STOML2: variants seen among roughly 807,000 people sequenced by gnomAD.
STOML2 encodes stomatin like 2, also known as stomatin-like protein 2, mitochondrial.
STOML2 carries 22 observed loss-of-function variants against 45.7 expected under a neutral mutation model. The observed-to-expected ratio is 0.48, with a 90% CI of 0.34 to 0.69. STOML2 has a LOEUF of 0.69. Ranked by LOEUF, STOML2 falls within the 30% of genes least tolerant of loss-of-function variation. The probability of loss-of-function intolerance (pLI) is 0.01; values close to 1 mark genes in which losing one functional copy is unlikely to be tolerated. For synonymous variants in STOML2, 181 were observed against 182.7 expected (o/e 0.99, Z 0.08); for missense variants, 359 against 466.9 (o/e 0.77, Z 2.13).
rs1348469659 is a variant in STOML2, at chr9:35,101,573, G to C, written c.445-13C>G. The C allele has an allele frequency of 3.1e-6, 5 of 1,613,918 alleles. No homozygotes were observed. The Admixed American group carries it at 8.3e-5, about 27-fold the overall frequency. The stretch of plus-strand genomic sequence containing the variant: ...GGGACTCCCGTTCCTGGAAAAAGAG[G>C]TGTAAGCCCCACAGCCTCAACCTAC... On this transcript the variant is annotated splice_polypyrimidine_tract_variant and intron_variant, in intron 5 of 9. Coordinates refer to ENST00000356493, the MANE Select transcript of STOML2 (RefSeq NM_013442.3). The surrounding 1 kb of genome is among the most constrained non-coding windows in gnomAD (Gnocchi z 4.3).
Position 35,102,539 on chromosome 9 carries a change from T to C in STOML2, c.183+147A>G, listed in dbSNP as rs1337236017. ...GGAAAAGGTGGTAACATGGGGATGA[T>C]GGTCAGCAGCCTGGGCCCTGTCAGG... On this transcript the variant is annotated intron_variant, in intron 2 of 9. Coordinates refer to ENST00000356493, the MANE Select transcript of STOML2 (RefSeq NM_013442.3). This position sits in a 1 kb window ranked among gnomAD's most constrained non-coding sequence, Gnocchi z 4.8. 6.0e-6 allele frequency: 8 copies of C among 1,335,936 alleles called. No homozygotes were observed. The Admixed American group carries it at 9.1e-5, about 15-fold the overall frequency. The allele number at this position is 1,335,936 out of a possible 1,614,324, so 82.8% of individuals were successfully genotyped here. A position where few individuals can be genotyped will look rare whatever the true frequency, so the allele number is the denominator to read the frequency against.
chr9:35,101,194 T>C lies in STOML2; in HGVS notation c.665A>G (p.Lys222Arg). The C allele has an allele frequency of 6.2e-7, 1 of 1,614,218 alleles. No homozygotes were observed. The change falls in exon 7 of 10, where the codon AAA becomes AGA. Residue 222 changes from lysine to arginine, a missense_variant. This residue lies in a region of STOML2 where 285 missense variants were observed against 422.0 expected (regional missense o/e 0.68). Transcript: ENST00000356493. This position sits in a 1 kb window ranked among gnomAD's most constrained non-coding sequence, Gnocchi z 4.3. ...TTCGGAGGCCAGGATCTGGGCCTGT[T>C]TCTTCCCTTCTGCCACATTGATGGC... ...ESAINVAEGK[K>R]QAQILASEAE...
chr9:35,101,445 T>G lies in STOML2; in HGVS notation c.560A>C (p.Lys187Thr). 1.9e-6 allele frequency: 3 copies of G among 1,614,114 alleles called. No individual in the cohort carries two copies. The highest frequency in any genetic ancestry group is 2.5e-6 in the Non-Finnish European group (3 of 1,180,022). Residue 187 changes from lysine to threonine, a missense_variant, in exon 6 of 10, where the codon AAA (lysine) becomes ACA (threonine). By Grantham distance (78) the Lys-to-Thr change is moderately conservative. Around this residue, in one of 2 missense-constraint regions of STOML2, gnomAD observed 285 missense variants for 422.0 expected, o/e 0.68. Coordinates refer to ENST00000356493, the MANE Select transcript of STOML2 (RefSeq NM_013442.3). The surrounding 1 kb of genome is among the most constrained non-coding windows in gnomAD (Gnocchi z 4.3). ...IKDIHVPPRV[K>T]ESMQMQVEAE... ...CCCCACCTGCATCTGCATAGACTCTTTCACCCGGGGTGGCACATGGATATC... is the reference window on the plus strand; with the variant it reads ...CCCCACCTGCATCTGCATAGACTCTGTCACCCGGGGTGGCACATGGATATC...
rs200791628 is a variant in STOML2 at position 35,103,096 on chromosome 9, T to C, written c.-2A>G. The C allele has an allele frequency of 6.2e-7, 1 of 1,613,312 alleles. No individual in the cohort carries two copies. Among genetic ancestry groups the C allele is most frequent in the Non-Finnish European group, 8.5e-7 (1 of 1,179,922 alleles). On this transcript the variant is annotated 5_prime_UTR_variant, in exon 1 of 10. Coordinates refer to ENST00000356493, the MANE Select transcript of STOML2 (RefSeq NM_013442.3). ...GCCCCGCGCCGCGCGCGCCAGCATT[T>C]CCCACCGCCGCAGCGACCTCCGGAA...
In STOML2 at chr9:35,102,631, G is replaced by C; in HGVS notation, c.183+55C>G. 6.2e-7 allele frequency: 1 copy of C among 1,601,234 alleles called. No homozygotes were observed. Reference sequence around the variant, plus strand: ...AAAGGAAGTCCTCCCGACATTGCATGTCGTGAGGGATTGGTCATCTGGCTG... The same window carrying C: ...AAAGGAAGTCCTCCCGACATTGCATCTCGTGAGGGATTGGTCATCTGGCTG... On this transcript the variant is annotated intron_variant, in intron 2 of 9. Coordinates refer to ENST00000356493, the MANE Select transcript of STOML2 (RefSeq NM_013442.3). This position sits in a 1 kb window ranked among gnomAD's most constrained non-coding sequence, Gnocchi z 4.8.
Position 35,101,645 on chromosome 9 carries a change from T to C in STOML2, c.444+65A>G, listed in dbSNP as rs1369141272. ...AAGGGCCTGGGACTGATCTTGACCT[T>C]CAGAAAAGATTAAGAGTGTCAGGTT... is the stretch of plus-strand genomic sequence containing the variant. On this transcript the variant is annotated intron_variant, in intron 5 of 9. Coordinates refer to ENST00000356493, the MANE Select transcript of STOML2 (RefSeq NM_013442.3). This position sits in a 1 kb window ranked among gnomAD's most constrained non-coding sequence, Gnocchi z 4.3. 6.2e-7 allele frequency: 1 copy of C among 1,613,424 alleles called. No homozygotes were observed. The highest frequency in any genetic ancestry group is 1.3e-5 in the African/African-American group (1 of 74,868).
Position 35,101,746 on chromosome 9 carries a change from T to C in STOML2, c.408A>G (p.Ser136=), listed in dbSNP as rs1178665342. 6.2e-7 allele frequency: 1 copy of C among 1,614,080 alleles called. No homozygotes were observed. The highest frequency in any genetic ancestry group is 1.3e-5 in the African/African-American group (1 of 74,914). Residue 136 remains serine (S), a synonymous_variant, in exon 5 of 10, where the codon TCA becomes TCG. Coordinates refer to ENST00000356493, the MANE Select transcript of STOML2 (RefSeq NM_013442.3). The surrounding 1 kb of genome is among the most constrained non-coding windows in gnomAD (Gnocchi z 4.3). ...TGTCCAGAGAGAGTTTGCCGAGCTC[T>C]GATCTCATGGTTGTTTGAGCTAGCT... ...VTQLAQTTMR[S]ELGKLSLDKV...
At position 35,102,549 on chromosome 9, in the gene STOML2, C is replaced by T; in HGVS notation, c.183+137G>A. On this transcript the variant is annotated intron_variant, in intron 2 of 9. Transcript: ENST00000356493. The surrounding 1 kb of genome is among the most constrained non-coding windows in gnomAD (Gnocchi z 4.8). ...GTAACATGGGGATGATGGTCAGCAG[C>T]CTGGGCCCTGTCAGGTCTGGCCTAC... 1 of 1,405,024 alleles carries T rather than the reference C, an allele frequency of 7.1e-7. No individual in the cohort carries two copies. The highest frequency in any genetic ancestry group is 9.6e-7 in the Non-Finnish European group (1 of 1,039,224). 87.0% of individuals were successfully genotyped at this position (1,405,024 alleles called of 1,614,324 possible).
chr9:35,101,230 G>A lies in STOML2; in HGVS notation c.629C>T (p.Thr210Ile). Residue 210 changes from threonine to isoleucine, a missense_variant, in exon 7 of 10, where the codon ACC becomes ATC. Thr to Ile is a moderately conservative substitution (Grantham distance 89). Coordinates refer to ENST00000356493, the MANE Select transcript of STOML2 (RefSeq NM_013442.3). The surrounding 1 kb of genome is among the most constrained non-coding windows in gnomAD (Gnocchi z 4.3). ...KRATVLESEG[T>I]RESAINVAEG... ...TGCCACATTGATGGCCGACTCTCGG[G>A]TCCCCTCAGACTCTAGAACTGTGGC... 6.2e-7 allele frequency: 1 copy of A among 1,614,114 alleles called. No homozygotes were observed. The highest frequency in any genetic ancestry group is 8.5e-7 in the Non-Finnish European group (1 of 1,180,022).
In STOML2 at chr9:35,100,139, G is replaced by C; in HGVS notation, c.967C>G (p.Pro323Ala). ...MGVYGALTKA[P>A]VPGTPDSLSS... is the part of the protein sequence containing the mutation. ...AGTGAGTCTGGAGTCCCTGGCACTGGGGCTTTGGTGAGGGCTCCATATACA... is the reference window on the plus strand; with the variant it reads ...AGTGAGTCTGGAGTCCCTGGCACTGCGGCTTTGGTGAGGGCTCCATATACA... The change falls in exon 10 of 10, where the codon CCA becomes GCA. Residue 323 changes from proline to alanine, a missense_variant. Pro to Ala is a conservative substitution (Grantham distance 27). Transcript: ENST00000356493. 1 of 1,614,148 alleles carries C rather than the reference G, an allele frequency of 6.2e-7. No homozygotes were observed.
chr9:35,101,988 G>C lies in STOML2; in HGVS notation c.284-26C>G, dbSNP rs759066984. 1.7e-5 allele frequency: 27 copies of C among 1,614,084 alleles called. No homozygotes were observed. The South Asian group carries it at 3.0e-4, about 18-fold the overall frequency. ...CTGTAGAACCAGGAGAGAAAACGGG[G>C]AAAGTCAGGCCTCTAGGTCCCAACC... On this transcript the variant is annotated intron_variant, in intron 3 of 9. Transcript: ENST00000356493. The surrounding 1 kb of genome is among the most constrained non-coding windows in gnomAD (Gnocchi z 4.3).
Position 35,100,047 on chromosome 9 carries a change from G to C in STOML2, c.1059C>G (p.Val353=), listed in dbSNP as rs1488749612. 4.3e-6 allele frequency: 7 copies of C among 1,614,060 alleles called. No homozygotes were observed. In the Admixed American group the frequency reaches 1.2e-4, roughly 27 times the overall value. The change falls in exon 10 of 10, where the codon GTC becomes GTG. Residue 353 remains valine, a synonymous_variant. Transcript: ENST00000356493. The part of the protein sequence containing the change: ...DASLDEELDR[V]KMS The stretch of plus-strand genomic sequence containing the variant: ...AAGCCCAGCTCCACTAACTCATCTT[G>C]ACTCGATCAAGTTCCTCATCAAGAC...
chr9:35,100,290 C>CCT (rs765277609), intron 9 of STOML2, 118 bp from the exon 10 acceptor site: 2 of 1,344,890 alleles, frequency 1.5e-6, no homozygotes, highest in Non-Finnish European at 2.1e-6. Flanking sequence ...TTCCTTTCTC[C>CCT]CTCTCTCAAA....
rs1464836722 is a variant in STOML2, at chr9:35,101,373, T to C, written c.579+53A>G. On this transcript the variant is annotated intron_variant, in intron 6 of 9. Transcript: ENST00000356493. This position sits in a 1 kb window ranked among gnomAD's most constrained non-coding sequence, Gnocchi z 4.3. ...CATAACAGGAGGGAAGTCTGGATCC[T>C]CCTGGTACTGGAGCACCCTGAGGCC... The C allele has an allele frequency of 6.4e-7, 1 of 1,563,478 alleles. No individual in the cohort carries two copies. The highest frequency in any genetic ancestry group is 1.5e-5 in the African/African-American group (1 of 66,006).
At position 35,102,761 on chromosome 9, in the gene STOML2, G is replaced by T. The variant is rs754992108; in HGVS notation, c.108C>A (p.Thr36=). 2 of 1,614,018 alleles carry T rather than the reference G, an allele frequency of 1.2e-6. No homozygotes were observed. The highest frequency in any genetic ancestry group is 8.5e-7 in the Non-Finnish European group (1 of 1,180,050). ...CCTGCTGCGGCACGAACAGTACCAC[G>T]GTGTTTCGGGGCAATCCAGAGGAGG... ...RRASSGLPRN[T]VVLFVPQQEA... The change falls in exon 2 of 10, where the codon ACC becomes ACA. Residue 36 remains threonine (T), a synonymous_variant. Coordinates refer to ENST00000356493, the MANE Select transcript of STOML2 (RefSeq NM_013442.3). This position sits in a 1 kb window ranked among gnomAD's most constrained non-coding sequence, Gnocchi z 4.8.
At chr9:35,103,149 C>G (rs868514552), upstream of STOML2, 2 of 1,603,308 alleles carry the variant, frequency 1.2e-6, no homozygotes, top group Middle Eastern at 3.4e-4. Context: ...GCGGTCGCTC[C>G]CAGAAGCCTA....
Position 35,103,069 on chromosome 9 carries a change from G to C in STOML2, c.26C>G (p.Thr9Ser). The change falls in exon 1 of 10, where the codon ACT (threonine) becomes AGT (serine). Residue 9 changes from threonine to serine, a missense_variant. By Grantham distance (58) the Thr-to-Ser change is moderately conservative. This residue lies in a region of STOML2 where 74 missense variants were observed against 45.0 expected (regional missense o/e 1.65). Coordinates refer to ENST00000356493, the MANE Select transcript of STOML2 (RefSeq NM_013442.3). The stretch of plus-strand genomic sequence containing the variant: ...TCTCACCCTCAGCAAAAGGGCCCCA[G>C]TGCCCCGCGCCGCGCGCGCCAGCAT... MLARAARGTGALLLRGSLL... is the reference protein window; with the variant it reads MLARAARGSGALLLRGSLL... 6.2e-7 allele frequency: 1 copy of C among 1,614,036 alleles called. No individual in the cohort carries two copies. Among genetic ancestry groups the C allele is most frequent in the Non-Finnish European group, 8.5e-7 (1 of 1,179,996 alleles).
Position 35,100,035 on chromosome 9 carries a change from C to T in STOML2, c.1071G>A (p.Ter357=), listed in dbSNP as rs1829784364. The change falls in exon 10 of 10, where the codon TAG becomes TAA. Residue 357 remains the stop codon, a stop_retained_variant. Coordinates refer to ENST00000356493, the MANE Select transcript of STOML2 (RefSeq NM_013442.3). ...DEELDRVKMS[*] is the part of the protein sequence containing the mutation. ...GACTCCCTGGCCAAGCCCAGCTCCA[C>T]TAACTCATCTTGACTCGATCAAGTT... is the stretch of plus-strand genomic sequence containing the variant. The T allele has an allele frequency of 1.2e-6, 2 of 1,613,904 alleles. No individual in the cohort carries two copies. The highest frequency in any genetic ancestry group is 1.7e-6 in the Non-Finnish European group (2 of 1,179,864).
At position 35,099,912 on chromosome 9, in the gene STOML2, G is replaced by A. The variant is rs1045739476; in HGVS notation, c.*123C>T. 9.4e-6 allele frequency: 12 copies of A among 1,274,132 alleles called. No individual in the cohort carries two copies. Among genetic ancestry groups the A allele is most frequent in the African/African-American group, 1.5e-5 (1 of 67,546 alleles). The allele number at this position is 1,274,132 out of a possible 1,614,324, so 78.9% of individuals were successfully genotyped here. On this transcript the variant is annotated 3_prime_UTR_variant, in exon 10 of 10. Coordinates refer to ENST00000356493, the MANE Select transcript of STOML2 (RefSeq NM_013442.3). ...ACAGTTTCTGGTTTGCCACTGGTGA[G>A]TTTATTACACGACTAAAGTTCAAAT...
Sources: allele counts gnomAD v4.1 joint callset, GRCh38; gene constraint gnomAD v4.1.1; regional missense constraint gnomAD v4.1.1; non-coding constraint Gnocchi (gnomAD v3.1); transcripts MANE v1.5; gene names NCBI Gene and HGNC (gene_info 2026-07-23, HGNC 2026-07-21).